Variants in ART1 observed in about 807,000 individuals in gnomAD.
ART1 encodes the protein ADP-ribosyltransferase 1.
Under a neutral mutation model 27.0 loss-of-function variants are expected in ART1, and 29 were observed. That is an observed-to-expected ratio of 1.08 (90% CI 0.80 to 1.47). The LOEUF is 1.47. Ranked by LOEUF, ART1 falls within the 40% of genes most tolerant of loss-of-function variation. The pLI, the probability that ART1 is intolerant of heterozygous loss-of-function variation, is 0.00. For missense variants in ART1, 480 were observed against 423.0 expected (o/e 1.13, Z -1.18); for synonymous variants, 201 against 172.2 (o/e 1.17, Z -1.31).
chr11:3,659,657 T>C lies in ART1; in HGVS notation c.138T>C (p.Phe46=). The C allele has an allele frequency of 6.2e-7, 1 of 1,613,834 alleles. No individual in the cohort carries two copies. The highest frequency in any genetic ancestry group is 8.5e-7 in the Non-Finnish European group (1 of 1,180,016). ...AGCTGGACATGGCCCTGGCCTCCTTTGATGACCAGTACGCTGGCTGTGCTG... is the reference window on the plus strand; with the variant it reads ...AGCTGGACATGGCCCTGGCCTCCTTCGATGACCAGTACGCTGGCTGTGCTG... ...EIQLDMALAS[F]DDQYAGCAAA... is the part of the protein sequence containing the mutation. The change falls in exon 3 of 5, where the codon TTT becomes TTC. Residue 46 remains phenylalanine (F), a synonymous_variant. Transcript: ENST00000250693.
chr11:3,653,366 T>A (rs888946718), intron 1 of ART1, among the ~76,000 whole-genome samples: 2 of 148,436 alleles, frequency 1.3e-5, no homozygotes, highest in Non-Finnish European at 2.9e-5. Context: ...CCTTAACTGA[T>A]GACATTGTCT....
rs113817011 is a variant in ART1 at position 3,660,090 on chromosome 11, C to T, written c.571C>T (p.Pro191Ser). Residue 191 changes from proline (P) to serine (S), a missense_variant, in exon 3 of 5, where the codon CCC becomes TCC. Transcript: ENST00000250693. ...CGGCCTGCGCTTCCGGCCAGCAGGGCCCCGGGCCACCGTGAGGCTGGGGGG... is the reference window on the plus strand; with the variant it reads ...CGGCCTGCGCTTCCGGCCAGCAGGGTCCCGGGCCACCGTGAGGCTGGGGGG... ...VHGLRFRPAG[P>S]RATVRLGGFA... 1 of 1,613,576 alleles carries T rather than the reference C, an allele frequency of 6.2e-7. No individual in the cohort carries two copies. The highest frequency in any genetic ancestry group is 1.7e-5 in the Admixed American group (1 of 59,984).
At chr11:3,655,169 A>T (rs1235417984) in intron 1 of ART1, among the ~76,000 whole-genome samples, 1 of 152,100 alleles carries the variant, frequency 6.6e-6, no homozygotes, top group African/African-American at 2.4e-5. Context: ...TCTGTTCCTC[A>T]CGTGTTCATT....
chr11:3,656,358 A>G (rs1021639979), intron 1 of ART1, among the ~76,000 whole-genome samples: 2 of 77,920 alleles, frequency 2.6e-5, no homozygotes, highest in Non-Finnish European at 6.2e-5. Flanking sequence ...AGCCTGGCTT[A>G]TTTATTTATT....
chr11:3,653,690 T>C (rs1034165537), intron 1 of ART1, among the ~76,000 whole-genome samples: 4 of 152,174 alleles, frequency 2.6e-5, no homozygotes, highest in African/African-American at 7.2e-5. Context: ...TCTGTGTTTC[T>C]AGTTTAAAGA....
chr11:3,652,469 C>T (rs1464222797), intron 1 of ART1, among the ~76,000 whole-genome samples: 1 of 151,874 alleles, frequency 6.6e-6, no homozygotes, highest in Non-Finnish European at 1.5e-5. Flanking sequence ...TTTAAAAACA[C>T]ACCTCATCAA....
In ART1 at chr11:3,645,392, C is replaced by A. The variant is rs531253630; in HGVS notation, c.-53+213C>A. Reference sequence around the variant, plus strand: ...GGTCACATTCCCAGGAGGGTATGTTCAGCAAGGGCCTGGATGAGAAACTGA... The same window carrying A: ...GGTCACATTCCCAGGAGGGTATGTTAAGCAAGGGCCTGGATGAGAAACTGA... On this transcript the variant is annotated intron_variant, in intron 1 of 4. Transcript: ENST00000250693. Among the ~76,000 whole-genome samples, 42 of 152,234 alleles carry A rather than the reference C, an allele frequency of 2.8e-4. 2 individuals are homozygous for A. The South Asian group carries it at 8.7e-3, about 32-fold the overall frequency.
intron 1 of ART1, among the ~76,000 whole-genome samples, chr11:3,652,050 T>C (rs1354530889): frequency 6.6e-6 from 1 of 151,636 alleles, no homozygotes; most frequent in East Asian, 1.9e-4. Flanking sequence ...AGGAAATAAC[T>C]TCTCAGTGTT....
At position 3,664,138 on chromosome 11, in the gene ART1, G is replaced by A; in HGVS notation, c.933G>A (p.Leu311=). 1 of 1,614,018 alleles carries A rather than the reference G, an allele frequency of 6.2e-7. No homozygotes were observed. Residue 311 remains leucine, a synonymous_variant, in exon 5 of 5, where the codon CTG becomes CTA. Coordinates refer to ENST00000250693, the MANE Select transcript of ART1 (RefSeq NM_004314.3). ...PLSAVWSLLL[L]LWFLVVRAFP... ...CTGCAGTCTGGTCTTTGCTGCTGCTGCTCTGGTTCCTCGTGGTGAGGGCCT... is the reference window on the plus strand; with the variant it reads ...CTGCAGTCTGGTCTTTGCTGCTGCTACTCTGGTTCCTCGTGGTGAGGGCCT...
chr11:3,659,398 GC>G, intron 2 of ART1, 122 bp downstream of exon 2: 1 of 1,447,448 alleles, frequency 6.9e-7, no homozygotes, highest in Non-Finnish European at 9.6e-7. Context: ...GGATCACTCA[GC>G]CCAAGGGGAC....
intron 1 of ART1, among the ~76,000 whole-genome samples, chr11:3,654,696 C>G (rs2077555102): frequency 6.4e-5 from 1 of 15,516 alleles, no homozygotes; most frequent in Non-Finnish European, 1.2e-4. Flanking sequence ...CACTGCCATT[C>G]TCCCATCAGA....
At chr11:3,651,250 G>C (rs2077519639) in intron 1 of ART1, among the ~76,000 whole-genome samples, 2 of 137,548 alleles carry the variant, frequency 1.5e-5, no homozygotes, top group South Asian at 5.9e-4. Context: ...CTTTCACTTA[G>C]ACTGACCCTG....
At chr11:3,650,400 C>T (rs927197483) in intron 1 of ART1, among the ~76,000 whole-genome samples, 5 of 152,368 alleles carry the variant, frequency 3.3e-5, no homozygotes, top group African/African-American at 1.2e-4. Context: ...CTCGGCTTAG[C>T]AGCTGAAGAC....
intron 3 of ART1, among the ~76,000 whole-genome samples, chr11:3,660,659 C>T (rs560797269): frequency 1.7e-4 from 26 of 152,278 alleles, no homozygotes; most frequent in East Asian, 5.8e-4. Context: ...CAGACCCGGT[C>T]GGGCTTTTCT....
chr11:3,648,145 CTG>C (rs2077485271), intron 1 of ART1, among the ~76,000 whole-genome samples: 1 of 152,210 alleles, frequency 6.6e-6, no homozygotes, highest in Admixed American at 6.5e-5. Context: ...CCCCCTTTGA[CTG>C]TAATTTTCCT....
At chr11:3,653,564 G>A (rs2077545607) in intron 1 of ART1, among the ~76,000 whole-genome samples, 1 of 152,032 alleles carries the variant, frequency 6.6e-6, no homozygotes, top group South Asian at 2.1e-4. Flanking sequence ...CAGTCCACCT[G>A]CACTCAGGTG....
rs369266098 is a variant in ART1 at position 3,648,065 on chromosome 11, G to T, written c.-53+2886G>T. 1.1e-4 allele frequency among the ~76,000 whole-genome samples: 16 copies of T among 152,172 alleles called. No homozygotes were observed. The East Asian group carries it at 1.5e-3, about 15-fold the overall frequency. ...ATTGTCTTGTGAAATTCCTTCTCCT[G>T]GCTCATCCTGGCTCAAAAGCTCCCC... On this transcript the variant is annotated intron_variant, in intron 1 of 4. Coordinates refer to ENST00000250693, the MANE Select transcript of ART1 (RefSeq NM_004314.3).
chr11:3,645,978 G>C (rs962694046), intron 1 of ART1, among the ~76,000 whole-genome samples: 47 of 152,078 alleles, frequency 3.1e-4, no homozygotes, highest in African/African-American at 1.1e-3. Flanking sequence ...TGGCAGGTGC[G>C]AGCCTGCAGA....
At chr11:3,652,632 C>A (rs916432727) in intron 1 of ART1, among the ~76,000 whole-genome samples, 1 of 152,056 alleles carries the variant, frequency 6.6e-6, no homozygotes, top group Non-Finnish European at 1.5e-5. Flanking sequence ...ATTCCAGACA[C>A]CAGACCAACT....
Sources: gnomAD v4.1 joint callset for allele counts (sites outside exome capture counted in the v4.1 genomes callset) on GRCh38, gnomAD v4.1.1 for gene constraint, MANE v1.5 for transcripts, NCBI Gene and HGNC (gene_info 2026-07-23, HGNC 2026-07-21) for gene names.